The following HMCN1 variants were observed in gnomAD, a reference collection of about 807,000 sequenced individuals.
HMCN1 encodes hemicentin 1.
Under a neutral mutation model 625.9 loss-of-function variants are expected in HMCN1, and 321 were observed. The ratio of observed to expected loss-of-function variants is 0.51; its 90% confidence interval spans 0.47 to 0.56. The LOEUF (loss-of-function observed/expected upper bound fraction) is 0.56, where lower values mean the gene tolerates loss of function less well. Ranked by LOEUF, HMCN1 falls within the 20% of genes least tolerant of loss-of-function variation. The probability of loss-of-function intolerance (pLI) is 0.00; values close to 1 mark genes in which losing one functional copy is unlikely to be tolerated. For missense variants in HMCN1, 6,588 were observed against 6,887.3 expected (o/e 0.96, Z 1.54); for synonymous variants, 2,425 against 2,417.6 (o/e 1.00, Z -0.09).
In HMCN1 at chr1:186,166,788, A is replaced by T; in HGVS notation, c.15440-20A>T. The T allele has an allele frequency of 1.2e-6, 2 of 1,614,040 alleles. No individual in the cohort carries two copies. Among genetic ancestry groups the T allele is most frequent in the Non-Finnish European group, 1.7e-6 (2 of 1,179,972 alleles). ...GGTGTTCTTCAGCTCACCTCAGTTG[A>T]ATGATTCCCTCTGTTGCAGATATTG... On this transcript the variant is annotated intron_variant, in intron 99 of 106. Transcript: ENST00000271588.
intron 64 of HMCN1, among the ~76,000 whole-genome samples, chr1:186,092,197 T>C (rs1659882135): frequency 6.6e-6 from 1 of 151,952 alleles, no homozygotes; most frequent in South Asian, 2.1e-4. Flanking sequence ...CATTCCATAA[T>C]ATGTATAGAT....
At chr1:185,917,430 AT>A (rs1009927323) in intron 6 of HMCN1, among the ~76,000 whole-genome samples, 10 of 152,124 alleles carry the variant, frequency 6.6e-5, no homozygotes, top group Admixed American at 3.3e-4. Flanking sequence ...GGTAAATATC[AT>A]TTTTTTGAAC....
chr1:186,057,431 T>C, intron 46 of HMCN1, 30 bp downstream of exon 46: 1 of 1,464,404 alleles, frequency 6.8e-7, no homozygotes, highest in Non-Finnish European at 9.6e-7. Context: ...CCTTATAATC[T>C]TGTTAGCTTC....
intron 33 of HMCN1, 90 bp from the exon 34 acceptor site, chr1:186,018,093 G>T: frequency 8.4e-7 from 1 of 1,188,966 alleles, no homozygotes; most frequent in Non-Finnish European, 1.2e-6. Context: ...CTAGGAAATT[G>T]GACAAATATA....
chr1:185,850,765 T>C (rs1662110942), intron 2 of HMCN1, among the ~76,000 whole-genome samples: 1 of 151,756 alleles, frequency 6.6e-6, no homozygotes, highest in South Asian at 2.1e-4. Context: ...CTTTATCTTA[T>C]GGGATTTTCT....
intron 58 of HMCN1, among the ~76,000 whole-genome samples, chr1:186,086,772 AG>A (rs1659498610): frequency 6.7e-6 from 1 of 149,002 alleles, no homozygotes; most frequent in African/African-American, 2.5e-5. Context: ...ATAGATAGAT[AG>A]GTAGATAGAT....
chr1:185,791,231 G>A (rs1248459194), intron 1 of HMCN1, among the ~76,000 whole-genome samples: 2 of 151,988 alleles, frequency 1.3e-5, no homozygotes, highest in Non-Finnish European at 2.9e-5. Context: ...GTTTGTTCAT[G>A]CCTCTTACAG....
intron 20 of HMCN1, among the ~76,000 whole-genome samples, chr1:185,989,134 A>G (rs759419500): frequency 6.3e-4 from 94 of 150,142 alleles, no homozygotes; most frequent in Admixed American, 1.3e-3. Flanking sequence ...CAGCCTCCCG[A>G]GTAGCTGGGA....
At position 185,990,424 on chromosome 1, in the gene HMCN1, A is replaced by T. The variant is rs1558123233; in HGVS notation, c.3358A>T (p.Ile1120Phe). 1.2e-6 allele frequency: 2 copies of T among 1,614,024 alleles called. No homozygotes were observed. The highest frequency in any genetic ancestry group is 1.7e-6 in the Non-Finnish European group (2 of 1,179,914). Residue 1120 changes from isoleucine to phenylalanine, a missense_variant, in exon 22 of 107, where the codon ATC becomes TTC. By Grantham distance (21) the Ile-to-Phe change is conservative. Transcript: ENST00000271588. ...TACTTGGGCCAAAGAAACCCAGCTC[A>T]TCTCACCGTTCTCTCCAAGGTAGGA... ...IITWAKETQL[I>F]SPFSPRHTFL...
Position 186,115,406 on chromosome 1 carries a change from C to G in HMCN1, c.11553C>G (p.Asn3851Lys). The G allele has an allele frequency of 1.9e-6, 3 of 1,612,986 alleles. No individual in the cohort carries two copies. Among genetic ancestry groups the G allele is most frequent in the Non-Finnish European group, 2.5e-6 (3 of 1,179,470 alleles). ...TTCTTAATGTGGATCAAAATCAGAA[C>G]TCATACAGGTAAGGATAATTTAAAA... ...GHLLNVDQNQNSYRLLSSGSL... is the reference protein window; with the variant it reads ...GHLLNVDQNQKSYRLLSSGSL... The change falls in exon 75 of 107, where the codon AAC (asparagine) becomes AAG (lysine). Residue 3851 changes from asparagine to lysine, a missense_variant. Asn to Lys is a moderately conservative substitution (Grantham distance 94). Around this residue, in one of 3 missense-constraint regions of HMCN1, gnomAD observed 4,628 missense variants for 4,853.1 expected, o/e 0.95. Coordinates refer to ENST00000271588, the MANE Select transcript of HMCN1 (RefSeq NM_031935.3).
At position 185,857,321 on chromosome 1, in the gene HMCN1, G is replaced by T. The variant is rs1054904120; in HGVS notation, c.340-7149G>T. The stretch of plus-strand genomic sequence containing the variant: ...AAAATGTCAATCAAAATATTGAGCA[G>T]GACTGTGCATACTGATACTAATTAT... On this transcript the variant is annotated intron_variant, in intron 2 of 106. Coordinates refer to ENST00000271588, the MANE Select transcript of HMCN1 (RefSeq NM_031935.3). Among the ~76,000 whole-genome samples, 9 of 152,218 alleles carry T rather than the reference G, an allele frequency of 5.9e-5. No homozygotes were observed. In the East Asian group the frequency reaches 1.5e-3, roughly 26 times the overall value.
intron 1 of HMCN1, among the ~76,000 whole-genome samples, chr1:185,774,261 G>C (rs904082102): frequency 7.9e-5 from 12 of 152,114 alleles, no homozygotes; most frequent in Non-Finnish European, 1.5e-4. Context: ...GAAATAAATA[G>C]ATGTGATTGA....
chr1:185,745,740 C>T (rs1238407398), intron 1 of HMCN1, among the ~76,000 whole-genome samples: 5 of 148,704 alleles, frequency 3.4e-5, no homozygotes, highest in African/African-American at 1.0e-4. Flanking sequence ...TGTCTGTCTC[C>T]AGGTATCACT....
chr1:185,958,608 C>G lies in HMCN1; in HGVS notation c.1829-3910C>G, dbSNP rs558523790. 2.6e-5 allele frequency among the ~76,000 whole-genome samples: 4 copies of G among 152,268 alleles called. No homozygotes were observed. In the East Asian group the frequency reaches 7.7e-4, roughly 29 times the overall value. On this transcript the variant is annotated intron_variant, in intron 11 of 106. Coordinates refer to ENST00000271588, the MANE Select transcript of HMCN1 (RefSeq NM_031935.3). The stretch of plus-strand genomic sequence containing the variant: ...TAATAATAGCAAAAGTTACATCGTG[C>G]CTACTACATGCCAGGCATTGTTCTA...
chr1:185,742,471 A>G (rs1017726503), intron 1 of HMCN1, among the ~76,000 whole-genome samples: 4 of 152,178 alleles, frequency 2.6e-5, no homozygotes, highest in Non-Finnish European at 4.4e-5. Flanking sequence ...GAGCAATAGC[A>G]AGATCATTTG....
chr1:185,932,930 G>C (rs1366988774), intron 10 of HMCN1, among the ~76,000 whole-genome samples: 1 of 152,116 alleles, frequency 6.6e-6, no homozygotes, highest in Non-Finnish European at 1.5e-5. Flanking sequence ...ATTGGCCTTT[G>C]ACCATATCTG....
chr1:185,899,656 C>T (rs1301597889), intron 4 of HMCN1, among the ~76,000 whole-genome samples: 1 of 151,946 alleles, frequency 6.6e-6, no homozygotes, highest in Admixed American at 6.6e-5. Context: ...CTCTCTGTTG[C>T]CCTCCAGTTG....
At chr1:185,853,594 G>A (rs1662292323) in intron 2 of HMCN1, among the ~76,000 whole-genome samples, 1 of 152,062 alleles carries the variant, frequency 6.6e-6, no homozygotes, top group African/African-American at 2.4e-5. Context: ...TACATCCCCA[G>A]AGAACAAGGA....
chr1:185,955,177 C>T (rs1649533810), intron 11 of HMCN1, among the ~76,000 whole-genome samples: 1 of 152,018 alleles, frequency 6.6e-6, no homozygotes, highest in African/African-American at 2.4e-5. Context: ...GACTTTCTTC[C>T]CCCATTCCAA....
Sources: allele counts gnomAD v4.1 joint callset (sites outside exome capture counted in the v4.1 genomes callset), GRCh38; gene constraint gnomAD v4.1.1; regional missense constraint gnomAD v4.1.1; transcripts MANE v1.5; gene names NCBI Gene and HGNC (gene_info 2026-07-23, HGNC 2026-07-21).